NRXN1: variants seen among roughly 807,000 people sequenced by gnomAD.
NRXN1 encodes neurexin-1.
In NRXN1, 39 loss-of-function variants were observed where a neutral mutation model predicts 150.9. That is an observed-to-expected ratio of 0.26 (90% CI 0.20 to 0.34). NRXN1 has a LOEUF of 0.34. Ranked by LOEUF, NRXN1 falls within the 10% of genes least tolerant of loss-of-function variation. NRXN1 has a pLI of 1.00. For synonymous variants in NRXN1, 924 were observed against 757.0 expected (o/e 1.22, Z -3.62); for missense variants, 1,815 against 1,949.9 (o/e 0.93, Z 1.30).
chr2:50,225,663 G>T (rs1303956862), intron 18 of NRXN1, among the ~76,000 whole-genome samples: 2 of 151,922 alleles, frequency 1.3e-5, no homozygotes, highest in Non-Finnish European at 2.9e-5. Flanking sequence ...ATAAGAGGAA[G>T]TAGGAGTACT....
chr2:50,895,825 C>T (rs56959214), intron 5 of NRXN1, among the ~76,000 whole-genome samples: 9,276 of 152,038 alleles, frequency 0.061, 332 homozygotes, highest in Admixed American at 0.075. Context: ...AGTAATCCAC[C>T]CTCATCAGCC....
intron 21 of NRXN1, among the ~76,000 whole-genome samples, chr2:49,954,974 C>T (rs775527886): frequency 1.8e-4 from 27 of 151,860 alleles, no homozygotes; most frequent in Non-Finnish European, 2.2e-4. Flanking sequence ...AAAGCATTTG[C>T]GTGAATAAAA....
chr2:50,856,578 A>G (rs1014754360), intron 5 of NRXN1, among the ~76,000 whole-genome samples: 1 of 152,106 alleles, frequency 6.6e-6, no homozygotes, highest in Non-Finnish European at 1.5e-5. Context: ...TTTATCATTC[A>G]GACCAAACCT....
At chr2:49,976,884 T>G (rs890106063) in intron 21 of NRXN1, among the ~76,000 whole-genome samples, 44 of 152,224 alleles carry the variant, frequency 2.9e-4, no homozygotes, top group African/African-American at 9.6e-4. Flanking sequence ...AATTAACCTC[T>G]TCAAGCCTTA....
In NRXN1 at chr2:50,346,884, G is replaced by T; in HGVS notation, c.3365-109914C>A. ...GGCGCCCCCCTGCGCCGCCGCCGCC[G>T]CCGCCGCCGCCGCCGCCCCCGGGCG... On this transcript the variant is annotated intron_variant, in intron 17 of 22. Coordinates refer to ENST00000401669, the MANE Select transcript of NRXN1 (RefSeq NM_001330078.2). The surrounding 1 kb of genome is among the most constrained non-coding windows in gnomAD (Gnocchi z 5.0). 2 of 1,303,226 alleles carry T rather than the reference G, an allele frequency of 1.5e-6. No homozygotes were observed. The highest frequency in any genetic ancestry group is 2.4e-5 in the South Asian group (1 of 41,658). 80.7% of individuals were successfully genotyped at this position (1,303,226 alleles called of 1,614,324 possible).
intron 2 of NRXN1, among the ~76,000 whole-genome samples, chr2:51,016,909 G>C (rs575019367): frequency 6.6e-6 from 1 of 152,124 alleles, no homozygotes; most frequent in Non-Finnish European, 1.5e-5. Context: ...ATATACCATG[G>C]AATACTATGC....
intron 5 of NRXN1, among the ~76,000 whole-genome samples, chr2:50,907,742 A>T (rs1053846264): frequency 5.9e-5 from 9 of 152,074 alleles, no homozygotes; most frequent in African/African-American, 2.2e-4. Context: ...CTCAAAAAAG[A>T]TAGAAAAGGA....
At chr2:50,446,539 C>T (rs2086424174) in intron 17 of NRXN1, among the ~76,000 whole-genome samples, 2 of 136,530 alleles carry the variant, frequency 1.5e-5, no homozygotes, top group Middle Eastern at 4.0e-3. Flanking sequence ...CCTTCCTTCC[C>T]TCCCTTCCTT....
chr2:50,020,380 AT>A (rs1334878181), intron 21 of NRXN1, among the ~76,000 whole-genome samples: 52 of 152,340 alleles, frequency 3.4e-4, no homozygotes, highest in African/African-American at 9.4e-4. Context: ...TCTTAACTGT[AT>A]ACTGAAAGTG....
At chr2:50,573,434 G>A (rs556995308) in intron 8 of NRXN1, among the ~76,000 whole-genome samples, 2 of 152,044 alleles carry the variant, frequency 1.3e-5, no homozygotes, top group East Asian at 3.9e-4. Flanking sequence ...GGACCTGGAT[G>A]GGAAAACATC....
chr2:50,487,645 A>G (rs993791166), intron 15 of NRXN1, among the ~76,000 whole-genome samples: 1 of 152,210 alleles, frequency 6.6e-6, no homozygotes, highest in Non-Finnish European at 1.5e-5. Context: ...ATGGCTCAAG[A>G]GGAATTGTAC....
At chr2:50,108,146 ATAACTCCCCTC>A (rs1342700974) in intron 18 of NRXN1, among the ~76,000 whole-genome samples, 2 of 152,072 alleles carry the variant, frequency 1.3e-5, no homozygotes, top group Non-Finnish European at 2.9e-5. Context: ...ATAGAAAAGT[ATAACTCCCCTC>A]TAACTCCATA....
chr2:50,090,232 C>G (rs1699378689), intron 19 of NRXN1, among the ~76,000 whole-genome samples: 1 of 152,052 alleles, frequency 6.6e-6, no homozygotes, highest in Non-Finnish European at 1.5e-5. Flanking sequence ...CATTTCATTC[C>G]ACAATTGTGA....
intron 5 of NRXN1, among the ~76,000 whole-genome samples, chr2:50,896,771 C>T (rs1047918667): frequency 4.0e-5 from 6 of 151,630 alleles, no homozygotes; most frequent in Admixed American, 6.6e-5. Context: ...CGCTTGAGCC[C>T]GGGAGGTGGA....
intron 18 of NRXN1, among the ~76,000 whole-genome samples, chr2:50,226,203 G>C (rs2064357992): frequency 6.6e-6 from 1 of 151,860 alleles, no homozygotes; most frequent in African/African-American, 2.4e-5. Flanking sequence ...AAGTTTTAAT[G>C]CATATTAGAT....
intron 5 of NRXN1, among the ~76,000 whole-genome samples, chr2:50,838,639 A>G (rs1318570924): frequency 6.6e-6 from 1 of 152,148 alleles, no homozygotes; most frequent in Non-Finnish European, 1.5e-5. Context: ...AGACATGCAC[A>G]GAAAGAAGAT....
intron 17 of NRXN1, among the ~76,000 whole-genome samples, chr2:50,288,910 G>A (rs2072545222): frequency 6.6e-6 from 1 of 152,108 alleles, no homozygotes; most frequent in Non-Finnish European, 1.5e-5. Context: ...TGGTTGAAAT[G>A]AGACGAAAAG....
chr2:51,000,870 T>C (rs992762077), intron 2 of NRXN1, among the ~76,000 whole-genome samples: 3 of 151,864 alleles, frequency 2.0e-5, no homozygotes, highest in African/African-American at 7.2e-5. Context: ...ACAGAAAATA[T>C]AGAGTGAACA....
chr2:50,363,365 A>C (rs1363893645), intron 17 of NRXN1, among the ~76,000 whole-genome samples: 1 of 152,194 alleles, frequency 6.6e-6, no homozygotes, highest in African/African-American at 2.4e-5. Flanking sequence ...TAATCTCTAG[A>C]ATCCACAAGG....
Sources: allele counts gnomAD v4.1 joint callset (sites outside exome capture counted in the v4.1 genomes callset), GRCh38; gene constraint gnomAD v4.1.1; non-coding constraint Gnocchi (gnomAD v3.1); transcripts MANE v1.5; gene names NCBI Gene and HGNC (gene_info 2026-07-23, HGNC 2026-07-21).